CHST11: variants seen among roughly 807,000 people sequenced by gnomAD.
CHST11 encodes the protein carbohydrate sulfotransferase 11.
A neutral mutation model predicts 30.4 loss-of-function variants in CHST11; 9 were observed. That is an observed-to-expected ratio of 0.30 (90% CI 0.18 to 0.52). The LOEUF (loss-of-function observed/expected upper bound fraction) is 0.52. Ranked by LOEUF, CHST11 falls within the 20% of genes least tolerant of loss-of-function variation. The pLI is 0.97. For synonymous variants in CHST11, 152 were observed against 187.8 expected (o/e 0.81, Z 1.56); for missense variants, 348 against 460.6 (o/e 0.76, Z 2.24).
chr12:104,699,479 GAACAT>G (rs1271199341), intron 2 of CHST11, among the ~76,000 whole-genome samples: 2 of 152,204 alleles, frequency 1.3e-5, no homozygotes, highest in Non-Finnish European at 2.9e-5. Flanking sequence ...GTGGCTGCTA[GAACAT>G]TTTAGATTGT....
intron 1 of CHST11, among the ~76,000 whole-genome samples, chr12:104,520,028 G>T (rs1343204652): frequency 1.3e-5 from 2 of 152,174 alleles, no homozygotes; most frequent in Non-Finnish European, 2.9e-5. Flanking sequence ...CTCCATCAGG[G>T]AACGGGGTGC....
intron 1 of CHST11, among the ~76,000 whole-genome samples, chr12:104,484,712 C>T (rs2037659787): frequency 6.6e-6 from 1 of 152,196 alleles, no homozygotes; most frequent in African/African-American, 2.4e-5. Flanking sequence ...AAACAGGTAC[C>T]TATTTAGTAA....
Position 104,720,976 on chromosome 12 carries a change from C to T in CHST11, c.205-35973C>T, listed in dbSNP as rs546773132. Among the ~76,000 whole-genome samples, 11 of 152,250 alleles carry T rather than the reference C, an allele frequency of 7.2e-5. No individual in the cohort carries two copies. The South Asian group carries it at 2.1e-3, about 29-fold the overall frequency. ...GGCGGAGAAACCATCTCATGTGCCC[C>T]GCAGCGTTTGCTCCAGGGCCGGGGC... On this transcript the variant is annotated intron_variant, in intron 2 of 2. Transcript: ENST00000303694.
chr12:104,595,342 T>G (rs916182830), intron 1 of CHST11, among the ~76,000 whole-genome samples: 3 of 152,146 alleles, frequency 2.0e-5, no homozygotes, highest in Non-Finnish European at 4.4e-5. Context: ...CAGCTAGGTG[T>G]TGCTTTTCCA....
At chr12:104,716,989 C>T (rs966526287) in intron 2 of CHST11, among the ~76,000 whole-genome samples, 3 of 152,296 alleles carry the variant, frequency 2.0e-5, no homozygotes, top group South Asian at 4.1e-4. Flanking sequence ...TCCTCAGAGC[C>T]GGCAATGGCC....
intron 2 of CHST11, among the ~76,000 whole-genome samples, chr12:104,632,696 C>G (rs2039282480): frequency 6.6e-6 from 1 of 152,176 alleles, no homozygotes; most frequent in Admixed American, 6.5e-5. Flanking sequence ...AGTTCTCTTC[C>G]AAGTTTGTTA....
chr12:104,587,488 C>T (rs2038816115), intron 1 of CHST11, among the ~76,000 whole-genome samples: 1 of 152,194 alleles, frequency 6.6e-6, no homozygotes, highest in South Asian at 2.1e-4. Context: ...GCCTCAACCT[C>T]CTGGGCTCAA....
chr12:104,540,338 A>T (rs931620869), intron 1 of CHST11, among the ~76,000 whole-genome samples: 1 of 149,220 alleles, frequency 6.7e-6, no homozygotes, highest in Non-Finnish European at 1.5e-5. Context: ...GGGAGCCATA[A>T]AAAAGAATAC....
chr12:104,526,406 C>T (rs1204688450), intron 1 of CHST11, among the ~76,000 whole-genome samples: 1 of 152,128 alleles, frequency 6.6e-6, no homozygotes, highest in African/African-American at 2.4e-5. Context: ...ATTTATGTGC[C>T]TGACTCTTTT....
chr12:104,515,065 G>A (rs4964294), intron 1 of CHST11, among the ~76,000 whole-genome samples: 6,808 of 151,842 alleles, frequency 0.045, 297 homozygotes, highest in East Asian at 0.17. Context: ...AATCTAGCCC[G>A]TCTCCCGCTT....
At chr12:104,609,228 T>G (rs10778343) in intron 2 of CHST11, among the ~76,000 whole-genome samples, 90,660 of 152,176 alleles carry the variant, frequency 0.6, 27,407 homozygotes, top group East Asian at 0.86. Context: ...TGACTCAGCA[T>G]CTGTCTACCA....
At chr12:104,570,687 A>G (rs1341380756) in intron 1 of CHST11, among the ~76,000 whole-genome samples, 1 of 143,432 alleles carries the variant, frequency 7.0e-6, no homozygotes, top group Non-Finnish European at 1.5e-5. Flanking sequence ...TATGTAAGCC[A>G]CTGCACTTTT....
chr12:104,567,722 G>C (rs1241747069), intron 1 of CHST11, among the ~76,000 whole-genome samples: 1 of 152,182 alleles, frequency 6.6e-6, no homozygotes, highest in Non-Finnish European at 1.5e-5. Context: ...GCCATGGTCT[G>C]AATGTTTGTG....
At chr12:104,741,528 A>G (rs1229826496) in intron 2 of CHST11, among the ~76,000 whole-genome samples, 1 of 152,232 alleles carries the variant, frequency 6.6e-6, no homozygotes, top group Non-Finnish European at 1.5e-5. Context: ...TTACTGTGAA[A>G]TTCCATGAAT....
chr12:104,457,369 C>A lies in CHST11; in HGVS notation c.-43C>A. The A allele has an allele frequency of 6.8e-7, 1 of 1,471,530 alleles. No homozygotes were observed. The highest frequency in any genetic ancestry group is 1.1e-5 in the South Asian group (1 of 87,638). 91.2% of individuals were successfully genotyped at this position (1,471,530 alleles called of 1,614,324 possible). ...GGGGTCCCTGCTCCTGCGCCCCGGG[C>A]GCGCTTCCCGGACACCCCGGTCCCC... is the stretch of plus-strand genomic sequence containing the variant. On this transcript the variant is annotated 5_prime_UTR_variant, in exon 1 of 3. Coordinates refer to ENST00000303694, the MANE Select transcript of CHST11 (RefSeq NM_018413.6).
intron 2 of CHST11, among the ~76,000 whole-genome samples, chr12:104,689,566 A>G (rs2039879051): frequency 6.6e-6 from 1 of 152,206 alleles, no homozygotes; most frequent in South Asian, 2.1e-4. Flanking sequence ...AACTACATTT[A>G]TGTGATTCTT....
At chr12:104,568,578 A>G (rs1214407301) in intron 1 of CHST11, among the ~76,000 whole-genome samples, 1 of 152,192 alleles carries the variant, frequency 6.6e-6, no homozygotes, top group Non-Finnish European at 1.5e-5. Flanking sequence ...AAATGTGATC[A>G]TGGGAGCTGC....
intron 2 of CHST11, among the ~76,000 whole-genome samples, chr12:104,748,392 C>T (rs1261169755): frequency 6.6e-6 from 1 of 152,100 alleles, no homozygotes; most frequent in Non-Finnish European, 1.5e-5. Context: ...ATTCTCAACA[C>T]CCAGGACTTC....
intron 2 of CHST11, among the ~76,000 whole-genome samples, chr12:104,647,640 C>T (rs2039447296): frequency 6.6e-6 from 1 of 152,294 alleles, no homozygotes; most frequent in South Asian, 2.1e-4. Context: ...ATTTTTACCT[C>T]TGTGTGATAT....
Sources: gnomAD v4.1 joint callset for allele counts (sites outside exome capture counted in the v4.1 genomes callset) on GRCh38, gnomAD v4.1.1 for gene constraint, MANE v1.5 for transcripts, NCBI Gene and HGNC (gene_info 2026-07-23, HGNC 2026-07-21) for gene names.